Variants in KIAA1217 observed in about 807,000 individuals in gnomAD.
KIAA1217 encodes KIAA1217.
KIAA1217 carries 88 observed loss-of-function variants against 163.9 expected under a neutral mutation model. The ratio of observed to expected loss-of-function variants is 0.54; its 90% confidence interval spans 0.45 to 0.64. The LOEUF is 0.64. Among genes scored for constraint, KIAA1217 ranks in the 30% least tolerant of loss-of-function variants. The pLI is 0.00. For synonymous variants in KIAA1217, 903 were observed against 923.1 expected (o/e 0.98, Z 0.39); for missense variants, 2,372 against 2,475.0 (o/e 0.96, Z 0.88).
chr10:24,194,762 A>ATTT lies in KIAA1217; in HGVS notation c.-170-24841_-170-24839dup, dbSNP rs762968095. Among the ~76,000 whole-genome samples the ATTT allele has an allele frequency of 2.0e-3, 195 of 97,960 alleles. 3 individuals carry two copies. The highest frequency in any genetic ancestry group is 6.6e-3 in the African/African-American group (167 of 25,308). The allele number at this position is 97,960 out of a possible 152,430, so 64.3% of individuals were successfully genotyped here. The stretch of plus-strand genomic sequence containing the variant: ...CCTATAGTCACACCCAGCCAATTAA[A>ATTT]TTTTTTTTTTTTTTTTTTTTTTTTT... On this transcript the variant is annotated intron_variant, in intron 2 of 18. Transcript: ENST00000376462.
chr10:24,160,641 C>T (rs908339039), intron 2 of KIAA1217, among the ~76,000 whole-genome samples: 1 of 152,110 alleles, frequency 6.6e-6, no homozygotes, highest in Non-Finnish European at 1.5e-5. Flanking sequence ...ATGGATTTTC[C>T]TCTCGGCCTT....
At chr10:24,273,984 T>C (rs1303242595) in intron 2 of KIAA1217, among the ~76,000 whole-genome samples, 1 of 152,090 alleles carries the variant, frequency 6.6e-6, no homozygotes, top group Non-Finnish European at 1.5e-5. Context: ...GTGTAGGGCA[T>C]TTTCTAATGT....
intron 1 of KIAA1217, among the ~76,000 whole-genome samples, chr10:23,880,789 T>C (rs1005483256): frequency 6.7e-6 from 1 of 149,172 alleles, no homozygotes; most frequent in Admixed American, 6.7e-5. Context: ...ACAACAAAAA[T>C]GAATGAGTAA....
At chr10:24,134,089 G>C (rs1163919409) in intron 2 of KIAA1217, among the ~76,000 whole-genome samples, 1 of 152,304 alleles carries the variant, frequency 6.6e-6, no homozygotes, top group Non-Finnish European at 1.5e-5. Flanking sequence ...TACTCTGGGA[G>C]GTGAAATAGA....
chr10:23,954,886 T>A (rs1844492247), intron 1 of KIAA1217, among the ~76,000 whole-genome samples: 1 of 151,960 alleles, frequency 6.6e-6, no homozygotes, highest in Admixed American at 6.6e-5. Context: ...AGAGGAAAAA[T>A]AATAGAAAGA....
intron 2 of KIAA1217, among the ~76,000 whole-genome samples, chr10:24,087,016 G>A (rs560347581): frequency 2.2e-4 from 34 of 152,280 alleles, no homozygotes; most frequent in Admixed American, 1.4e-3. Flanking sequence ...GTCCAGTATG[G>A]CTCTGAGCAG....
chr10:24,387,743 A>G (rs2054216085), intron 3 of KIAA1217, among the ~76,000 whole-genome samples: 1 of 152,178 alleles, frequency 6.6e-6, no homozygotes, highest in South Asian at 2.1e-4. Context: ...AATCACAAGC[A>G]TTCCTATACA....
intron 2 of KIAA1217, among the ~76,000 whole-genome samples, chr10:24,047,978 A>T (rs1301794844): frequency 6.6e-6 from 1 of 152,178 alleles, no homozygotes; most frequent in East Asian, 1.9e-4. Context: ...GGTATCATCC[A>T]TTGATAGGAC....
chr10:24,261,605 G>C (rs1196823643), intron 2 of KIAA1217, among the ~76,000 whole-genome samples: 1 of 151,780 alleles, frequency 6.6e-6, no homozygotes, highest in Admixed American at 6.6e-5. Context: ...TTCTGTATTT[G>C]GGACTTGGTG....
chr10:24,123,702 G>T (rs1211726911), intron 2 of KIAA1217, among the ~76,000 whole-genome samples: 2 of 152,152 alleles, frequency 1.3e-5, no homozygotes, highest in Admixed American at 6.5e-5. Flanking sequence ...AATCTGTGGA[G>T]ACTCGAAAAT....
At chr10:24,192,521 G>C (rs141075320) in intron 2 of KIAA1217, among the ~76,000 whole-genome samples, 1 of 152,206 alleles carries the variant, frequency 6.6e-6, no homozygotes, top group Admixed American at 6.5e-5. Flanking sequence ...TCCCCATAAG[G>C]TTAAGTTCAT....
At chr10:23,966,451 C>T (rs1450905009) in intron 1 of KIAA1217, among the ~76,000 whole-genome samples, 2 of 152,086 alleles carry the variant, frequency 1.3e-5, no homozygotes, top group African/African-American at 2.4e-5. Context: ...GGTGGGCTGC[C>T]GCCAGTATGA....
chr10:24,276,608 CTTTT>C (rs35622932), intron 2 of KIAA1217, among the ~76,000 whole-genome samples: 2 of 138,112 alleles, frequency 1.4e-5, no homozygotes, highest in African/African-American at 2.8e-5. Flanking sequence ...TCAAGTCCAG[CTTTT>C]TTTTTTTTTT....
At chr10:24,051,109 A>T (rs1849469087) in intron 2 of KIAA1217, among the ~76,000 whole-genome samples, 1 of 152,142 alleles carries the variant, frequency 6.6e-6, no homozygotes, top group African/African-American at 2.4e-5. Context: ...AAAGTCCATT[A>T]TATCATTCTT....
At chr10:24,402,528 C>CAAAAAAAAA (rs56323500) in intron 3 of KIAA1217, among the ~76,000 whole-genome samples, 1 of 77,214 alleles carries the variant, frequency 1.3e-5, no homozygotes, top group Non-Finnish European at 3.1e-5. Context: ...AAAAACAAAA[C>CAAAAAAAAA]AAAAAAAAAA....
chr10:24,462,491 C>G (rs1010551464), intron 5 of KIAA1217, among the ~76,000 whole-genome samples: 21 of 152,316 alleles, frequency 1.4e-4, no homozygotes, highest in African/African-American at 4.6e-4. Context: ...CTGAAGTGCA[C>G]AGCAGGTCAC....
At chr10:24,279,124 G>C (rs575346352) in intron 2 of KIAA1217, among the ~76,000 whole-genome samples, 1 of 152,140 alleles carries the variant, frequency 6.6e-6, no homozygotes, top group East Asian at 1.9e-4. Context: ...GCAGGCATAA[G>C]CCACCACACC....
chr10:24,497,009 C>T (rs1010858712), intron 8 of KIAA1217, among the ~76,000 whole-genome samples: 5 of 152,214 alleles, frequency 3.3e-5, no homozygotes, highest in African/African-American at 4.8e-5. Flanking sequence ...TCACTCCCCA[C>T]GTCTCTGCTA....
At chr10:23,790,675 T>C (rs1443241333) in intron 1 of KIAA1217, among the ~76,000 whole-genome samples, 1 of 129,260 alleles carries the variant, frequency 7.7e-6, no homozygotes, top group East Asian at 2.0e-4. Context: ...ATATATCATA[T>C]ATATAATATG....
Sources: gnomAD v4.1 joint callset for allele counts (sites outside exome capture counted in the v4.1 genomes callset) on GRCh38, gnomAD v4.1.1 for gene constraint, MANE v1.5 for transcripts, NCBI Gene and HGNC (gene_info 2026-07-23, HGNC 2026-07-21) for gene names.